The following SLCO3A1 variants were observed in gnomAD, a reference collection of about 807,000 sequenced individuals.
SLCO3A1 encodes PGE1 transporter.
Under a neutral mutation model 63.1 loss-of-function variants are expected in SLCO3A1, and 27 were observed. The observed-to-expected ratio is 0.43, with a 90% CI of 0.32 to 0.59. The LOEUF (loss-of-function observed/expected upper bound fraction) is 0.59, where lower values mean the gene tolerates loss of function less well. Ranked by LOEUF, SLCO3A1 falls within the 20% of genes least tolerant of loss-of-function variation. SLCO3A1 has a pLI of 0.09. For synonymous variants in SLCO3A1, 473 were observed against 409.9 expected (o/e 1.15, Z -1.86); for missense variants, 773 against 945.8 (o/e 0.82, Z 2.40).
chr15:92,104,984 C>A (rs940921320), intron 4 of SLCO3A1, among the ~76,000 whole-genome samples: 1 of 150,942 alleles, frequency 6.6e-6, no homozygotes. Context: ...TAATCCCAGC[C>A]ACCGCGCCCG....
chr15:92,168,539 G>C (rs1184627429), downstream of SLCO3A1, among the ~76,000 whole-genome samples: 3 of 152,192 alleles, frequency 2.0e-5, no homozygotes, highest in Non-Finnish European at 4.4e-5. Context: ...ATCGTGTGCT[G>C]ATCTCTGTTC....
At chr15:91,940,841 T>C (rs1006264628) in intron 2 of SLCO3A1, among the ~76,000 whole-genome samples, 5 of 152,172 alleles carry the variant, frequency 3.3e-5, no homozygotes, top group African/African-American at 1.2e-4. Flanking sequence ...GATTGCTGCC[T>C]CTCTGAGCAA....
intron 2 of SLCO3A1, among the ~76,000 whole-genome samples, chr15:92,040,406 G>C (rs1186424088): frequency 6.6e-6 from 1 of 152,182 alleles, no homozygotes; most frequent in Non-Finnish European, 1.5e-5. Flanking sequence ...TGCTAGGCCA[G>C]TGAATTTTGG....
chr15:91,889,694 A>G (rs892532282), intron 1 of SLCO3A1, among the ~76,000 whole-genome samples: 2 of 152,260 alleles, frequency 1.3e-5, no homozygotes, highest in African/African-American at 4.8e-5. Context: ...TCCTTTAGGC[A>G]GTTTGCCCAG....
chr15:91,864,674 G>C (rs1405741502), intron 1 of SLCO3A1, among the ~76,000 whole-genome samples: 1 of 152,046 alleles, frequency 6.6e-6, no homozygotes, highest in Non-Finnish European at 1.5e-5. Context: ...ATTAAAAATA[G>C]CTCAAGGGCT....
chr15:91,942,017 G>A lies in SLCO3A1; in HGVS notation c.646+25559G>A, dbSNP rs534159599. Among the ~76,000 whole-genome samples the A allele has an allele frequency of 2.6e-5, 4 of 152,300 alleles. No individual in the cohort carries two copies. Among genetic ancestry groups the A allele is most frequent in the Non-Finnish European group, 4.4e-5 (3 of 68,030 alleles). On this transcript the variant is annotated intron_variant, in intron 2 of 9. Transcript: ENST00000318445. The surrounding 1 kb of genome is among the most constrained non-coding windows in gnomAD (Gnocchi z 4.1). Reference sequence around the variant, plus strand: ...CAAAAATGAGAGAACAGTACAAGGTGGAGAGTTTGTCATAAGCTTAATTTA... The same window carrying A: ...CAAAAATGAGAGAACAGTACAAGGTAGAGAGTTTGTCATAAGCTTAATTTA...
chr15:92,115,255 G>A (rs1387405952), intron 4 of SLCO3A1, among the ~76,000 whole-genome samples: 4 of 152,072 alleles, frequency 2.6e-5, no homozygotes, highest in African/African-American at 9.7e-5. Flanking sequence ...TGGCCCTCTG[G>A]AGGTAGGAGC....
chr15:91,970,382 T>C (rs889080010), intron 2 of SLCO3A1, among the ~76,000 whole-genome samples: 3 of 152,182 alleles, frequency 2.0e-5, no homozygotes, highest in Non-Finnish European at 4.4e-5. Flanking sequence ...CATCACACCC[T>C]GGAGCAGCCA....
At chr15:92,159,911 T>A (rs2048416308) in intron 9 of SLCO3A1, among the ~76,000 whole-genome samples, 1 of 152,080 alleles carries the variant, frequency 6.6e-6, no homozygotes, top group Non-Finnish European at 1.5e-5. Flanking sequence ...TTTGGTTCCT[T>A]TATGTTGCAA....
At chr15:92,129,251 T>A (rs1283665511) in intron 7 of SLCO3A1, among the ~76,000 whole-genome samples, 1 of 152,184 alleles carries the variant, frequency 6.6e-6, no homozygotes, top group Non-Finnish European at 1.5e-5. Context: ...CAGAAGGGTT[T>A]CTGTAACATA....
At chr15:91,922,892 A>G (rs1308643670) in intron 2 of SLCO3A1, among the ~76,000 whole-genome samples, 1 of 152,214 alleles carries the variant, frequency 6.6e-6, no homozygotes, top group Non-Finnish European at 1.5e-5. Flanking sequence ...GCTAGGAAAC[A>G]GCCTGTGGCT....
intron 1 of SLCO3A1, chr15:91,908,853 G>C (rs1003946075): frequency 2.0e-5 from 3 of 151,870 alleles, no homozygotes; most frequent in African/African-American, 7.3e-5. Context: ...CAGAGGTTAG[G>C]AGTTCAAGAC....
chr15:92,022,369 G>GTAA (rs1459927748), intron 2 of SLCO3A1, among the ~76,000 whole-genome samples: 2 of 152,172 alleles, frequency 1.3e-5, no homozygotes, highest in Non-Finnish European at 2.9e-5. Context: ...GTGATACCTT[G>GTAA]TAAGGACCAA....
intron 2 of SLCO3A1, among the ~76,000 whole-genome samples, chr15:92,058,607 G>T (rs1375883629): frequency 6.6e-6 from 1 of 152,174 alleles, no homozygotes; most frequent in Non-Finnish European, 1.5e-5. Flanking sequence ...TTCTCTGGGA[G>T]ATGAATATTC....
chr15:91,871,303 T>G (rs560590298), intron 1 of SLCO3A1, among the ~76,000 whole-genome samples: 1 of 152,186 alleles, frequency 6.6e-6, no homozygotes, highest in Non-Finnish European at 1.5e-5. Context: ...TGGCTAGATG[T>G]GGTCTTGGCA....
At chr15:92,073,052 C>A (rs1318549953) in intron 2 of SLCO3A1, among the ~76,000 whole-genome samples, 1 of 152,130 alleles carries the variant, frequency 6.6e-6, no homozygotes, top group Admixed American at 6.5e-5. Context: ...CCCTTTCCCC[C>A]ATCCTTTGCC....
At position 92,165,168 on chromosome 15, in the gene SLCO3A1, C is replaced by T. The variant is rs543057956; in HGVS notation, c.*2033C>T. 1.8e-5 allele frequency: 18 copies of T among 985,348 alleles called. No individual in the cohort carries two copies. In the East Asian group the frequency reaches 1.1e-3, roughly 62 times the overall value. The allele number at this position is 985,348 out of a possible 1,614,324, so 61.0% of individuals were successfully genotyped here. ...AGACCAACCAAAAGAAAAGCTGTGT[C>T]GTGGTATGGGGCCACCGTGATCAGC... On this transcript the variant is annotated 3_prime_UTR_variant, in exon 10 of 10. Coordinates refer to ENST00000318445, the MANE Select transcript of SLCO3A1 (RefSeq NM_013272.4).
rs76235600 is a variant in SLCO3A1, at chr15:92,114,215, G to A, written c.1010-6250G>A. Among the ~76,000 whole-genome samples, 1,095 of 152,264 alleles carry A rather than the reference G, an allele frequency of 7.2e-3. 12 individuals are homozygous for A. The highest frequency in any genetic ancestry group is 0.034 in the Middle Eastern group (10 of 294). On this transcript the variant is annotated intron_variant, in intron 4 of 9. Transcript: ENST00000318445. ...TTTCCACCCAGACAGTGAACCTGTG[G>A]CATGTCACTGATGGTTGGTTCATAA... is the stretch of plus-strand genomic sequence containing the variant.
At chr15:91,971,938 A>AT (rs900207685) in intron 2 of SLCO3A1, among the ~76,000 whole-genome samples, 18 of 151,446 alleles carry the variant, frequency 1.2e-4, no homozygotes, top group South Asian at 4.2e-4. Flanking sequence ...TGGATCTTGG[A>AT]TTTTTTTTTA....
Sources: gnomAD v4.1 joint callset for allele counts (sites outside exome capture counted in the v4.1 genomes callset) on GRCh38, gnomAD v4.1.1 for gene constraint, Gnocchi (gnomAD v3.1) non-coding constraint, MANE v1.5 for transcripts, NCBI Gene and HGNC (gene_info 2026-07-23, HGNC 2026-07-21) for gene names.